TNNT2: variants seen among roughly 807,000 people sequenced by gnomAD.
TNNT2 encodes troponin T2, cardiac type, also known as troponin T, cardiac muscle.
TNNT2 carries 34 observed loss-of-function variants against 62.4 expected under a neutral mutation model. That is an observed-to-expected ratio of 0.54 (90% confidence interval 0.41 to 0.72). TNNT2 has a LOEUF of 0.72. TNNT2 is among the 30% of genes least tolerant of loss of function. TNNT2 has a pLI of 0.00. For synonymous variants in TNNT2, 123 were observed against 127.2 expected, an observed-to-expected ratio of 0.97 and a Z score of 0.22; for missense variants, 275 against 381.9, an observed-to-expected ratio of 0.72 and a Z score of 2.33.
chr1:201,365,321 G>A lies in TNNT2; in HGVS notation c.295-14C>T, dbSNP rs747477576. ...CCGGTGGATGTCCTGTGGGTGGACC[G>A]CTGCGGCTCAGAGGCTGCCACTCCA... On this transcript the variant is annotated splice_polypyrimidine_tract_variant and intron_variant, in intron 9 of 16. Coordinates refer to ENST00000656932, the MANE Select transcript of TNNT2 (RefSeq NM_001276345.2). The A allele has an allele frequency of 4.7e-5, 76 of 1,605,978 alleles. No homozygotes were observed. In the Admixed American group the frequency reaches 5.0e-4, roughly 11 times the overall value.
Position 201,368,293 on chromosome 1 carries a change from G to A in TNNT2, c.98-66C>T, listed in dbSNP as rs1660047737. The A allele has an allele frequency of 5.2e-6, 8 of 1,549,734 alleles. No homozygotes were observed. In the South Asian group the frequency reaches 5.6e-5, roughly 11 times the overall value. On this transcript the variant is annotated intron_variant, in intron 5 of 16. Coordinates refer to ENST00000656932, the MANE Select transcript of TNNT2 (RefSeq NM_001276345.2). ...CTCATGCTATCAGGCAGAACCCAGAGCAGAGAATGGGCAGCGGGGAGTGGG... is the reference window on the plus strand; with the variant it reads ...CTCATGCTATCAGGCAGAACCCAGAACAGAGAATGGGCAGCGGGGAGTGGG...
chr1:201,359,931 A>T (rs1353663825), intron 15 of TNNT2, among the ~76,000 whole-genome samples: 5 of 152,186 alleles, frequency 3.3e-5, no homozygotes, highest in Non-Finnish European at 7.4e-5. Flanking sequence ...TGAGAGTCCC[A>T]TAAGAAGGGC....
At chr1:201,365,464 G>T in intron 9 of TNNT2, 146 bp downstream of exon 9, 2 of 1,187,562 alleles carry the variant, frequency 1.7e-6, no homozygotes. Flanking sequence ...CCAGGACCAC[G>T]CTCATGGATG....
rs772966842 is a variant in TNNT2 at position 201,372,027 on chromosome 1, C to T, written c.67G>A (p.Glu23Lys). 1.2e-6 allele frequency: 2 copies of T among 1,607,110 alleles called. No homozygotes were observed. Among genetic ancestry groups the T allele is most frequent in the Admixed American group, 3.4e-5 (2 of 58,494 alleles). Reference protein sequence around the residue: ...EEEQEEAAVEEEEDWREDEDE... With the variant: ...EEEQEEAAVEKEEDWREDEDE... Reference sequence around the variant, plus strand: ...CTCTCCACCTGCCTGAGGCACATACCTTCAACAGCTGCTTCTGCTCAGAAG... The same window carrying T: ...CTCTCCACCTGCCTGAGGCACATACTTTCAACAGCTGCTTCTGCTCAGAAG... Residue 23 changes from glutamate to lysine, a missense_variant and splice_region_variant, in exon 4 of 17, where the codon GAA (glutamate) becomes AAA (lysine). By Grantham distance (56) the Glu-to-Lys change is moderately conservative (BLOSUM62 1). Coordinates refer to ENST00000656932, the MANE Select transcript of TNNT2 (RefSeq NM_001276345.2).
In TNNT2 at chr1:201,373,026, C is replaced by T. The variant is rs1003411835; in HGVS notation, c.41+188G>A. The T allele has an allele frequency of 4.1e-6, 3 of 729,954 alleles. No homozygotes were observed. The African/African-American group carries it at 5.2e-5, about 13-fold the overall frequency. The allele number at this position is 729,954 out of a possible 1,614,324, so 45.2% of individuals were successfully genotyped here. A position where few individuals can be genotyped will look rare whatever the true frequency, so the allele number is the denominator to read the frequency against. On this transcript the variant is annotated intron_variant, in intron 2 of 16. Coordinates refer to ENST00000656932, the MANE Select transcript of TNNT2 (RefSeq NM_001276345.2). The stretch of plus-strand genomic sequence containing the variant: ...TTCCCGAAGTCTCTCGGCCTGTGCT[C>T]TGCCTGGGATCTACAACCCAGGGGT...
intron 7 of TNNT2, 74 bp downstream of exon 7, chr1:201,367,697 T>G (rs544248926): frequency 1.3e-6 from 2 of 1,515,476 alleles, no homozygotes; most frequent in African/African-American, 2.7e-5. Flanking sequence ...GAAAGAGCAC[T>G]GTGGGCATTC....
At chr1:201,362,234 T>C in intron 13 of TNNT2, 152 bp downstream of exon 13, 1 of 1,372,528 alleles carries the variant, frequency 7.3e-7, no homozygotes, top group Non-Finnish European at 1.0e-6. Context: ...CTTCCTTCTT[T>C]GCCTAACTAA....
chr1:201,365,388 C>G (rs541576129), intron 9 of TNNT2, 81 bp from the exon 10 acceptor site: 2 of 1,344,000 alleles, frequency 1.5e-6, no homozygotes, highest in African/African-American at 2.9e-5. Context: ...CACCCCCCAA[C>G]GCAGTGCAAA....
At position 201,367,776 on chromosome 1, in the gene TNNT2, G is replaced by T. The variant is rs768463992; in HGVS notation, c.194C>A (p.Ala65Asp). Residue 65 changes from alanine to aspartate, a missense_variant, in exon 7 of 17, where the codon GCT becomes GAT. Coordinates refer to ENST00000656932, the MANE Select transcript of TNNT2 (RefSeq NM_001276345.2). ...CTCTCTCCTGATATCCTTACCTTCA[G>T]CCTCCTTTGCTTCCTCTTCTTCTTC... Reference protein sequence around the residue: ...EDEEEEEAKEAEDGPMEESKP... With the variant: ...EDEEEEEAKEDEDGPMEESKP... 1 of 1,614,084 alleles carries T rather than the reference G, an allele frequency of 6.2e-7. No homozygotes were observed. The highest frequency in any genetic ancestry group is 8.5e-7 in the Non-Finnish European group (1 of 1,180,026).
At position 201,361,250 on chromosome 1, in the gene TNNT2, T is replaced by C. The variant is rs899198834; in HGVS notation, c.810+29A>G. On this transcript the variant is annotated intron_variant, in intron 15 of 16. Transcript: ENST00000656932. ...AACCAGGAGGAGTGTGAGATGGAGA[T>C]GCTGGGCGGGGACAGCATGGCGGCC... 5.0e-6 allele frequency: 8 copies of C among 1,609,342 alleles called. No homozygotes were observed. The African/African-American group carries it at 6.7e-5, about 13-fold the overall frequency.
intron 8 of TNNT2, chr1:201,365,895 A>G (rs1659576167): frequency 4.3e-6 from 6 of 1,404,894 alleles, no homozygotes; most frequent in Non-Finnish European, 5.6e-6. Flanking sequence ...CTTCATGCTC[A>G]TGATATGCCC....
rs989317839 is a variant in TNNT2, at chr1:201,369,222, T to A, written c.97+594A>T. 5 of 462,592 alleles carry A rather than the reference T, an allele frequency of 1.1e-5. No individual in the cohort carries two copies. The East Asian group carries it at 2.1e-4, about 20-fold the overall frequency. The allele number at this position is 462,592 out of a possible 1,614,324, so 28.7% of individuals were successfully genotyped here. On this transcript the variant is annotated intron_variant, in intron 5 of 16. Transcript: ENST00000656932. ...CCTCCCCAACCCACCTACTGCATCT[T>A]GAGATATAGCTGTCAGAACGCACTT...
intron 7 of TNNT2, chr1:201,367,095 C>T (rs1389875746): frequency 1.5e-6 from 1 of 677,806 alleles, no homozygotes; most frequent in African/African-American, 1.8e-5. Flanking sequence ...AGGGCACACA[C>T]TCACGCAGTG....
chr1:201,362,785 C>G (rs61819995), intron 12 of TNNT2, among the ~76,000 whole-genome samples: 1 of 152,176 alleles, frequency 6.6e-6, no homozygotes, highest in Non-Finnish European at 1.5e-5. Flanking sequence ...AGTTAGGGAT[C>G]GAGAGTGAGT....
At chr1:201,361,484 T>A in intron 14 of TNNT2, 115 bp from the exon 15 acceptor site, 1 of 1,022,594 alleles carries the variant, frequency 9.8e-7, no homozygotes. Flanking sequence ...CCTCCAGGCC[T>A]GCCAAGGGTA....
rs992224267 is a variant in TNNT2, at chr1:201,377,573, C to T, written c.-15+50G>A. 1.5e-5 allele frequency: 7 copies of T among 456,302 alleles called. No homozygotes were observed. The Admixed American group carries it at 1.6e-4, about 11-fold the overall frequency. The allele number at this position is 456,302 out of a possible 1,614,324, so 28.3% of individuals were successfully genotyped here. A position where few individuals can be genotyped will look rare whatever the true frequency, so the allele number is the denominator to read the frequency against. ...CCAGGGCCCAAGACCCTCACATCTC[C>T]CCGTCCATTCTCTGCTCTCCTCTTC... On this transcript the variant is annotated intron_variant, in intron 1 of 16. Coordinates refer to ENST00000656932, the MANE Select transcript of TNNT2 (RefSeq NM_001276345.2).
intron 13 of TNNT2, 76 bp downstream of exon 13, chr1:201,362,310 A>G: frequency 6.3e-7 from 1 of 1,588,174 alleles, no homozygotes; most frequent in Non-Finnish European, 8.6e-7. Context: ...CCTCCCCTCC[A>G]GCAAGGCGCC....
chr1:201,361,900 T>C lies in TNNT2; in HGVS notation c.719+13A>G, dbSNP rs563883763. The C allele has an allele frequency of 6.8e-6, 11 of 1,611,870 alleles. No homozygotes were observed. The highest frequency in any genetic ancestry group is 2.2e-5 in the South Asian group (2 of 91,020). ...GCGGGCAGTGCCCCAGGACCATTCC[T>C]CCCAGCCCCCACCTCAGCTGATCTT... On this transcript the variant is annotated intron_variant, in intron 14 of 16. Coordinates refer to ENST00000656932, the MANE Select transcript of TNNT2 (RefSeq NM_001276345.2).
chr1:201,365,138 G>A (rs1191001071), intron 10 of TNNT2, 53 bp downstream of exon 10: 1 of 1,469,016 alleles, frequency 6.8e-7, no homozygotes, highest in Non-Finnish European at 9.5e-7. Flanking sequence ...CAAAAGGGAT[G>A]GAGGACAGAC....
Sources: gnomAD v4.1 joint callset for allele counts (sites outside exome capture counted in the v4.1 genomes callset) on GRCh38, gnomAD v4.1.1 for gene constraint, MANE v1.5 for transcripts, NCBI Gene and HGNC (gene_info 2026-07-23, HGNC 2026-07-21) for gene names.